The following DENND5B variants were observed in gnomAD, a reference collection of about 807,000 sequenced individuals.
DENND5B encodes DENN domain-containing protein 5B.
Under a neutral mutation model 140.6 loss-of-function variants are expected in DENND5B, and 34 were observed. That is an observed-to-expected ratio of 0.24 (90% CI 0.18 to 0.32). The LOEUF (loss-of-function observed/expected upper bound fraction) is 0.32, where lower values mean the gene tolerates loss of function less well. Ranked by LOEUF, DENND5B falls within the 10% of genes least tolerant of loss-of-function variation. The probability of loss-of-function intolerance (pLI) is 1.00; values close to 1 mark genes in which losing one functional copy is unlikely to be tolerated. For missense variants in DENND5B, 1,142 were observed against 1,560.2 expected, an observed-to-expected ratio of 0.73 and a Z score of 4.52; for synonymous variants, 551 against 562.1, an observed-to-expected ratio of 0.98 and a Z score of 0.28.
intron 1 of DENND5B, among the ~76,000 whole-genome samples, chr12:31,501,751 C>A (rs1422203832): frequency 1.3e-4 from 14 of 106,878 alleles, no homozygotes; most frequent in Non-Finnish European, 2.2e-4. Flanking sequence ...CCAGCCTGGG[C>A]AACAAGAGCA....
At chr12:31,433,039 C>T in intron 8 of DENND5B, 116 bp downstream of exon 8, 1 of 890,124 alleles carries the variant, frequency 1.1e-6, no homozygotes, top group Non-Finnish European at 1.8e-6. Context: ...TAAACTATAA[C>T]TAAACAGTTT....
chr12:31,402,512 C>T lies in DENND5B; in HGVS notation c.2935G>A (p.Glu979Lys). The change falls in exon 15 of 21, where the codon GAA becomes AAA. Residue 979 changes from glutamate (E) to lysine (K), a missense_variant. Around this residue, in one of 5 missense-constraint regions of DENND5B, gnomAD observed 268 missense variants for 349.2 expected, o/e 0.77. Coordinates refer to ENST00000389082, the MANE Select transcript of DENND5B (RefSeq NM_144973.4). Reference sequence around the variant, plus strand: ...GCTGAACCTACCTCAAAGGTCATTTCGAGGAGGTTTTTGGGAATCTGCATT... The same window carrying T: ...GCTGAACCTACCTCAAAGGTCATTTTGAGGAGGTTTTTGGGAATCTGCATT... ...GVMQIPKNLL[E>K]MTFECQNLGK... is the part of the protein sequence containing the mutation. 5.6e-6 allele frequency: 9 copies of T among 1,613,328 alleles called. No homozygotes were observed. The highest frequency in any genetic ancestry group is 2.2e-5 in the East Asian group (1 of 44,854).
chr12:31,564,218 G>A (rs993532537), intron 1 of DENND5B, among the ~76,000 whole-genome samples: 1 of 152,108 alleles, frequency 6.6e-6, no homozygotes, highest in Non-Finnish European at 1.5e-5. Flanking sequence ...ATAATAAAAT[G>A]TAGTGATTAG....
intron 14 of DENND5B, among the ~76,000 whole-genome samples, chr12:31,407,601 G>A (rs1211217689): frequency 6.6e-6 from 1 of 152,140 alleles, no homozygotes; most frequent in Non-Finnish European, 1.5e-5. Context: ...TCTGGCCAGT[G>A]AAATGTTAGT....
chr12:31,486,189 C>A (rs1208594148), intron 2 of DENND5B, among the ~76,000 whole-genome samples: 1 of 152,202 alleles, frequency 6.6e-6, no homozygotes, highest in Non-Finnish European at 1.5e-5. Context: ...CATGCAGGCT[C>A]TGCCCTCATG....
chr12:31,589,563 T>C (rs1950526221), intron 1 of DENND5B, among the ~76,000 whole-genome samples: 1 of 152,150 alleles, frequency 6.6e-6, no homozygotes, highest in South Asian at 2.1e-4. Context: ...TTGTTTACTA[T>C]TGTTTATTAT....
intron 11 of DENND5B, among the ~76,000 whole-genome samples, chr12:31,421,832 G>A (rs555883045): frequency 6.6e-5 from 10 of 152,258 alleles, no homozygotes; most frequent in East Asian, 1.9e-4. Context: ...GATTACAGGC[G>A]TTGAGTCAAC....
chr12:31,503,021 C>A (rs1947070795), intron 1 of DENND5B, among the ~76,000 whole-genome samples: 1 of 152,062 alleles, frequency 6.6e-6, no homozygotes, highest in South Asian at 2.1e-4. Context: ...GTTAAGGGTG[C>A]CACAGAGGGC....
chr12:31,424,483 C>T, intron 10 of DENND5B, 52 bp downstream of exon 10: 4 of 1,514,882 alleles, frequency 2.6e-6, no homozygotes, highest in Non-Finnish European at 3.5e-6. Flanking sequence ...TGTTACATTT[C>T]TTAACAGGGC....
chr12:31,408,242 T>C (rs1399800913), intron 14 of DENND5B, among the ~76,000 whole-genome samples: 4 of 152,052 alleles, frequency 2.6e-5, no homozygotes, highest in African/African-American at 9.7e-5. Context: ...GAGGTTGCAG[T>C]GAGCTGAGAT....
intron 3 of DENND5B, among the ~76,000 whole-genome samples, chr12:31,467,265 T>C (rs895294571): frequency 6.6e-6 from 1 of 151,906 alleles, no homozygotes; most frequent in South Asian, 2.1e-4. Context: ...TAAGAACACA[T>C]GTTAGGAAGA....
chr12:31,551,054 C>G lies in DENND5B; in HGVS notation c.127+39652G>C, dbSNP rs1592031266. Among the ~76,000 whole-genome samples, 4 of 152,250 alleles carry G rather than the reference C, an allele frequency of 2.6e-5. No individual in the cohort carries two copies. In the East Asian group the frequency reaches 7.7e-4, roughly 29 times the overall value. ...GGTAGTTTCTTTTGCTGTACAGAAG[C>G]TCTTTAGTTTCATTAGATCCCATTT... On this transcript the variant is annotated intron_variant, in intron 1 of 20. Coordinates refer to ENST00000389082, the MANE Select transcript of DENND5B (RefSeq NM_144973.4).
intron 3 of DENND5B, among the ~76,000 whole-genome samples, chr12:31,476,189 T>TC (rs1945799768): frequency 6.6e-6 from 1 of 151,276 alleles, no homozygotes; most frequent in Non-Finnish European, 1.5e-5. Flanking sequence ...TTTGGAGTTT[T>TC]TTTTTGCCTT....
chr12:31,528,755 T>C (rs1310325343), intron 1 of DENND5B, among the ~76,000 whole-genome samples: 2 of 152,176 alleles, frequency 1.3e-5, no homozygotes, highest in African/African-American at 2.4e-5. Context: ...CAATTCTAAC[T>C]GGAGATGTTA....
chr12:31,455,869 A>T (rs543411353), intron 4 of DENND5B, among the ~76,000 whole-genome samples: 1 of 152,162 alleles, frequency 6.6e-6, no homozygotes, highest in Non-Finnish European at 1.5e-5. Flanking sequence ...AACACAAAAA[A>T]TAAGCTGGGC....
intron 14 of DENND5B, among the ~76,000 whole-genome samples, chr12:31,408,770 TAAAA>T: frequency 6.6e-6 from 1 of 152,230 alleles, no homozygotes; most frequent in South Asian, 2.1e-4. Context: ...ATTTACTTAA[TAAAA>T]CATTCCTTTT....
At chr12:31,572,472 T>C (rs1046310491) in intron 1 of DENND5B, among the ~76,000 whole-genome samples, 1 of 147,338 alleles carries the variant, frequency 6.8e-6, no homozygotes, top group Non-Finnish European at 1.5e-5. Context: ...AGATAGGATG[T>C]AAAACAATAA....
intron 8 of DENND5B, among the ~76,000 whole-genome samples, chr12:31,429,119 A>T (rs1296117842): frequency 2.1e-5 from 3 of 146,072 alleles, no homozygotes; most frequent in Non-Finnish European, 3.0e-5. Flanking sequence ...TGATCCGCCC[A>T]CCTCGGCCTC....
chr12:31,400,963 C>T (rs1190427555), intron 15 of DENND5B, among the ~76,000 whole-genome samples: 3 of 152,100 alleles, frequency 2.0e-5, no homozygotes, highest in Non-Finnish European at 4.4e-5. Context: ...CTGCCTCAGC[C>T]TCCCGAGAAG....
Sources: allele counts gnomAD v4.1 joint callset (sites outside exome capture counted in the v4.1 genomes callset), GRCh38; gene constraint gnomAD v4.1.1; regional missense constraint gnomAD v4.1.1; transcripts MANE v1.5; gene names NCBI Gene and HGNC (gene_info 2026-07-23, HGNC 2026-07-21).